The following HIGD1C variants were observed in gnomAD, a reference collection of about 807,000 sequenced individuals.
HIGD1C encodes the protein HIG1 hypoxia inducible domain family member 1C.
Under a neutral mutation model 13.1 loss-of-function variants are expected in HIGD1C, and 11 were observed. The ratio of observed to expected loss-of-function variants is 0.84; its 90% CI spans 0.53 to 1.39. HIGD1C has a LOEUF of 1.39. Ranked by LOEUF, HIGD1C falls within the 40% of genes most tolerant of loss-of-function variation. The pLI is 0.00. For synonymous variants in HIGD1C, 36 were observed against 37.7 expected (o/e 0.95, Z 0.17); for missense variants, 110 against 112.0 (o/e 0.98, Z 0.08).
upstream of HIGD1C, among the ~76,000 whole-genome samples, chr12:50,951,318 C>T (rs966908746): frequency 5.9e-5 from 9 of 152,076 alleles, no homozygotes; most frequent in African/African-American, 2.2e-4. Context: ...AGAAATTGGG[C>T]ATGGTGGGAA....
chr12:50,944,810 C>T, the HIGD1C span, among the ~76,000 whole-genome samples: 3 of 152,124 alleles, frequency 2.0e-5, no homozygotes, highest in African/African-American at 4.8e-5. Context: ...TCGCTTGAAC[C>T]TGGGAGGCAG....
At chr12:50,972,478 G>A (rs901644374), downstream of HIGD1C, among the ~76,000 whole-genome samples, 1 of 152,192 alleles carries the variant, frequency 6.6e-6, no homozygotes, top group Non-Finnish European at 1.5e-5. Flanking sequence ...CGAATCACTC[G>A]GTCTTACTTG....
At chr12:50,962,253 AC>A (rs1939361366) in intron 2 of HIGD1C, among the ~76,000 whole-genome samples, 1 of 151,532 alleles carries the variant, frequency 6.6e-6, no homozygotes, top group African/African-American at 2.4e-5. Flanking sequence ...ACACACACAC[AC>A]ACAAAATAGC....
upstream of HIGD1C, among the ~76,000 whole-genome samples, chr12:50,952,698 C>G (rs1261864688): frequency 6.6e-6 from 1 of 152,200 alleles, no homozygotes; most frequent in East Asian, 1.9e-4. Flanking sequence ...GGCGCACCTG[C>G]GATGGCCTTA....
intron 1 of HIGD1C, among the ~76,000 whole-genome samples, chr12:50,960,436 A>C (rs1302739466): frequency 6.6e-6 from 1 of 152,228 alleles, no homozygotes; most frequent in Non-Finnish European, 1.5e-5. Flanking sequence ...GAAATTACAA[A>C]TGACTAGACA....
chr12:50,950,060 A>C (rs1280528468), upstream of HIGD1C, among the ~76,000 whole-genome samples: 1 of 152,220 alleles, frequency 6.6e-6, no homozygotes, highest in Admixed American at 6.5e-5. Flanking sequence ...GAGTTAGCCC[A>C]TCACCTGGAG....
chr12:50,945,645 G>A, the HIGD1C span, among the ~76,000 whole-genome samples: 4 of 151,484 alleles, frequency 2.6e-5, no homozygotes, highest in Admixed American at 6.6e-5. Context: ...CGTGAAAATG[G>A]CCATACTGCC....
At chr12:50,936,312 G>A in the HIGD1C span, among the ~76,000 whole-genome samples, 1 of 151,848 alleles carries the variant, frequency 6.6e-6, no homozygotes, top group Non-Finnish European at 1.5e-5. Context: ...ATCTTGCTAT[G>A]TTGCCCAGGC....
upstream of HIGD1C, among the ~76,000 whole-genome samples, chr12:50,950,771 G>A (rs1409032054): frequency 7.0e-6 from 1 of 143,444 alleles, no homozygotes; most frequent in African/African-American, 2.6e-5. Context: ...CCGCCTCCCA[G>A]ATTCATGCCA....
chr12:50,966,972 C>G (rs1322675422), intron 2 of HIGD1C, among the ~76,000 whole-genome samples: 1 of 152,056 alleles, frequency 6.6e-6, no homozygotes, highest in African/African-American at 2.4e-5. Flanking sequence ...CAAAAATTAG[C>G]CAGGCATGGT....
chr12:50,961,673 G>A (rs970042480), intron 2 of HIGD1C, among the ~76,000 whole-genome samples: 2 of 152,160 alleles, frequency 1.3e-5, no homozygotes, highest in African/African-American at 4.8e-5. Context: ...TATACCCAGA[G>A]CTAAATCAGG....
At chr12:50,947,951 A>G in the HIGD1C span, among the ~76,000 whole-genome samples, 1 of 152,230 alleles carries the variant, frequency 6.6e-6, no homozygotes, top group African/African-American at 2.4e-5. Context: ...TCCGTCTCAA[A>G]TAAATATGAA....
rs1939003113 is a variant in HIGD1C at position 50,954,190 on chromosome 12, T to G, written c.94+98T>G. 4.1e-6 allele frequency: 3 copies of G among 735,890 alleles called. No homozygotes were observed. The African/African-American group carries it at 5.3e-5, about 13-fold the overall frequency. The allele number at this position is 735,890 out of a possible 1,614,324, so 45.6% of individuals were successfully genotyped here. ...TTGAAATGTTTCTTATAATTGAATT[T>G]TTTCAGATAATTGAAGCTAACCTCC... On this transcript the variant is annotated intron_variant, in intron 1 of 2. Coordinates refer to ENST00000398455, the Ensembl canonical transcript of HIGD1C.
chr12:50,971,301 G>A (rs1939753863), downstream of HIGD1C, among the ~76,000 whole-genome samples: 2 of 152,128 alleles, frequency 1.3e-5, no homozygotes, highest in African/African-American at 4.8e-5. Context: ...TGACATCAGA[G>A]GAGAATGGTC....
chr12:50,963,542 T>C (rs12818033), intron 2 of HIGD1C, among the ~76,000 whole-genome samples: 22,167 of 151,822 alleles, frequency 0.15, 1,858 homozygotes, highest in South Asian at 0.27. Flanking sequence ...ATATAGAAAA[T>C]GCCAATGCCT....
At chr12:50,953,191 G>A (rs951373784), upstream of HIGD1C, among the ~76,000 whole-genome samples, 5 of 152,188 alleles carry the variant, frequency 3.3e-5, no homozygotes, top group African/African-American at 1.2e-4. Flanking sequence ...ACAAACACCT[G>A]TTCTGATCTA....
chr12:50,940,186 CCAGA>C, the HIGD1C span, among the ~76,000 whole-genome samples: 1 of 152,142 alleles, frequency 6.6e-6, no homozygotes, highest in Admixed American at 6.6e-5. Flanking sequence ...CAAAAAAGTT[CCAGA>C]CAGACTGCTT....
At chr12:50,952,919 C>T (rs538598814), upstream of HIGD1C, among the ~76,000 whole-genome samples, 2 of 152,102 alleles carry the variant, frequency 1.3e-5, no homozygotes, top group Admixed American at 1.3e-4. Flanking sequence ...TACTAAGACT[C>T]AACAGTCACA....
At chr12:50,970,915 G>C (rs1939738305), downstream of HIGD1C, among the ~76,000 whole-genome samples, 1 of 151,714 alleles carries the variant, frequency 6.6e-6, no homozygotes, top group Non-Finnish European at 1.5e-5. Flanking sequence ...GTCTTACTCT[G>C]TTGCCCAGGC....
Sources: gnomAD v4.1 joint callset for allele counts (sites outside exome capture counted in the v4.1 genomes callset) on GRCh38, gnomAD v4.1.1 for gene constraint, MANE v1.5 for transcripts, NCBI Gene and HGNC (gene_info 2026-07-23, HGNC 2026-07-21) for gene names.